The following SULT4A1 variants were observed in gnomAD, a reference collection of about 807,000 sequenced individuals.
SULT4A1 encodes the protein sulfotransferase family 4A member 1.
A neutral mutation model predicts 35.2 loss-of-function variants in SULT4A1; 11 were observed. That is an observed-to-expected ratio of 0.31 (90% CI 0.20 to 0.52). The LOEUF (loss-of-function observed/expected upper bound fraction) is 0.52, where lower values mean the gene tolerates loss of function less well. Among genes scored for constraint, SULT4A1 ranks in the 20% least tolerant of loss-of-function variants. The pLI is 0.97. For missense variants in SULT4A1, 271 were observed against 383.7 expected, an observed-to-expected ratio of 0.71 and a Z score of 2.45; for synonymous variants, 152 against 151.8, an observed-to-expected ratio of 1.00 and a Z score of -0.01.
rs2063484279 is a variant in SULT4A1, at chr22:43,847,541, G to A, written c.170-5609C>T. On this transcript the variant is annotated intron_variant, in intron 1 of 6. Transcript: ENST00000330884. ...TTGCTGTGGCCATCTGCACCCAGGG[G>A]CTCCTGAGGTCCCAGTGATGTGGCC... Among the ~76,000 whole-genome samples the A allele has an allele frequency of 2.0e-5, 3 of 152,228 alleles. No individual in the cohort carries two copies. The South Asian group carries it at 6.2e-4, about 32-fold the overall frequency.
rs1055393060 is a variant in SULT4A1 at position 43,829,027 on chromosome 22, G to A, written c.742+33C>T. On this transcript the variant is annotated intron_variant, in intron 6 of 6. Coordinates refer to ENST00000330884, the MANE Select transcript of SULT4A1 (RefSeq NM_014351.4). ...GAAAGCAGCCTGGCTGGGGTGGGGAGTGCCTGGGCGGGAGGCAGGGTGGGG... is the reference window on the plus strand; with the variant it reads ...GAAAGCAGCCTGGCTGGGGTGGGGAATGCCTGGGCGGGAGGCAGGGTGGGG... 6 of 1,495,120 alleles carry A rather than the reference G, an allele frequency of 4.0e-6. No homozygotes were observed. The African/African-American group carries it at 8.4e-5, about 21-fold the overall frequency. 92.6% of individuals were successfully genotyped at this position (1,495,120 alleles called of 1,614,324 possible). A position where few individuals can be genotyped will look rare whatever the true frequency, so the allele number is the denominator to read the frequency against.
intron 1 of SULT4A1, among the ~76,000 whole-genome samples, chr22:43,843,977 G>A (rs1026094100): frequency 6.6e-6 from 1 of 152,236 alleles, no homozygotes; most frequent in African/African-American, 2.4e-5. Flanking sequence ...CTGAGACCTC[G>A]CCCCGTGGGA....
chr22:43,855,800 CA>C (rs1201604962), intron 1 of SULT4A1, among the ~76,000 whole-genome samples: 1 of 151,078 alleles, frequency 6.6e-6, no homozygotes, highest in Non-Finnish European at 1.5e-5. Context: ...GAGCTGCCCC[CA>C]CACTAACAGG....
rs1464303215 is a variant in SULT4A1, at chr22:43,829,141, C to T, written c.661G>A (p.Ala221Thr). The change falls in exon 6 of 7, where the codon GCC (alanine) becomes ACC (threonine). Residue 221 changes from alanine to threonine, a missense_variant. Coordinates refer to ENST00000330884, the MANE Select transcript of SULT4A1 (RefSeq NM_014351.4). Reference protein sequence around the residue: ...ARFLGVSCDKAQLEALTEHCH... With the variant: ...ARFLGVSCDKTQLEALTEHCH... ...TGCTCCGTCAGGGCTTCCAGCTGGG[C>T]CTTGTCACAGGACACCCCCAGGAAT... The T allele has an allele frequency of 3.8e-6, 6 of 1,562,284 alleles. No individual in the cohort carries two copies. Among genetic ancestry groups the T allele is most frequent in the Non-Finnish European group, 5.2e-6 (6 of 1,153,392 alleles).
In SULT4A1 at chr22:43,854,720, G is replaced by A. The variant is rs183251326; in HGVS notation, c.169+7494C>T. On this transcript the variant is annotated intron_variant, in intron 1 of 6. Transcript: ENST00000330884. ...AAGAGTTGGCACCTGCCCCCCACAC[G>A]CCAAAGAAGGCTCCTGGCTGTGTTC... Among the ~76,000 whole-genome samples the A allele has an allele frequency of 7.9e-5, 12 of 152,246 alleles. 1 individual carries two copies. The highest frequency in any genetic ancestry group is 7.2e-4 in the Admixed American group (11 of 15,294).
At chr22:43,841,778 A>G in intron 2 of SULT4A1, 24 bp downstream of exon 2, 1 of 1,608,364 alleles carries the variant, frequency 6.2e-7, no homozygotes, top group African/African-American at 1.3e-5. Flanking sequence ...AGGTGCTGGG[A>G]CAGGTGCTGC....
At position 43,862,347 on chromosome 22, in the gene SULT4A1, C is replaced by T; in HGVS notation, c.36G>A (p.Pro12=). ...CGAAGTACTTGCTCTCGAACTCCCC[C>T]GGGGTGCTGGGGGTCTCGGCCTCGC... is the stretch of plus-strand genomic sequence containing the variant. ...AESEAETPST[P]GEFESKYFEF... The change falls in exon 1 of 7, where the codon CCG becomes CCA. Residue 12 remains proline (P), a synonymous_variant. Coordinates refer to ENST00000330884, the MANE Select transcript of SULT4A1 (RefSeq NM_014351.4). The T allele has an allele frequency of 6.5e-7, 1 of 1,531,980 alleles. No homozygotes were observed. The highest frequency in any genetic ancestry group is 8.8e-7 in the Non-Finnish European group (1 of 1,136,230). 94.9% of individuals were successfully genotyped at this position (1,531,980 alleles called of 1,614,324 possible).
chr22:43,839,451 G>C (rs1034164244), intron 3 of SULT4A1, among the ~76,000 whole-genome samples: 1 of 152,102 alleles, frequency 6.6e-6, no homozygotes, highest in African/African-American at 2.4e-5. Flanking sequence ...AAAATTAGCC[G>C]GGTGTGGTGG....
intron 1 of SULT4A1, among the ~76,000 whole-genome samples, chr22:43,843,013 C>CTCTCT (rs1569503978): frequency 6.7e-6 from 1 of 149,170 alleles, no homozygotes; most frequent in African/African-American, 2.5e-5. Flanking sequence ...CTGACCTTCT[C>CTCTCT]CTGCCCCCAC....
chr22:43,830,741 G>C (rs1350500825), intron 5 of SULT4A1, among the ~76,000 whole-genome samples: 1 of 152,174 alleles, frequency 6.6e-6, no homozygotes, highest in African/African-American at 2.4e-5. Context: ...ACAGTGCCCG[G>C]CTCGTGGGAA....
intron 4 of SULT4A1, among the ~76,000 whole-genome samples, chr22:43,838,625 G>A (rs1292370508): frequency 6.6e-6 from 1 of 152,248 alleles, no homozygotes; most frequent in East Asian, 1.9e-4. Context: ...CCCCGACAGT[G>A]TGGTAGAAGA....
rs2049479599 is a variant in SULT4A1, at chr22:43,862,194, G to A, written c.169+20C>T. The A allele has an allele frequency of 6.7e-7, 1 of 1,493,410 alleles. No individual in the cohort carries two copies. The highest frequency in any genetic ancestry group is 8.9e-7 in the Non-Finnish European group (1 of 1,119,852). 92.5% of individuals were successfully genotyped at this position (1,493,410 alleles called of 1,614,324 possible). A position where few individuals can be genotyped will look rare whatever the true frequency, so the allele number is the denominator to read the frequency against. ...AGGGCTGGGGCATGGCGTGGCGGGC[G>A]CGGTCGGCGCGGGGCTCACCGGACT... On this transcript the variant is annotated intron_variant, in intron 1 of 6. Coordinates refer to ENST00000330884, the MANE Select transcript of SULT4A1 (RefSeq NM_014351.4).
chr22:43,826,927 A>C (rs138060), intron 6 of SULT4A1: 478,960 of 985,146 alleles, frequency 0.49, 116,955 homozygotes, highest in South Asian at 0.65. Context: ...GAGCTGTGGG[A>C]TAAACTGCAG....
At chr22:43,858,855 C>T (rs371990602) in intron 1 of SULT4A1, among the ~76,000 whole-genome samples, 126 of 152,248 alleles carry the variant, frequency 8.3e-4, no homozygotes, top group African/African-American at 2.9e-3. Flanking sequence ...AGCACAGGGC[C>T]GTCCTGAGAA....
intron 1 of SULT4A1, among the ~76,000 whole-genome samples, chr22:43,846,610 C>T (rs2063478683): frequency 6.6e-6 from 1 of 152,244 alleles, no homozygotes; most frequent in Admixed American, 6.5e-5. Context: ...GGAAAACAAG[C>T]TCTTTTCAAT....
At chr22:43,860,034 T>C (rs1292621944) in intron 1 of SULT4A1, among the ~76,000 whole-genome samples, 2 of 152,168 alleles carry the variant, frequency 1.3e-5, no homozygotes, top group African/African-American at 4.8e-5. Flanking sequence ...GATCTAATTA[T>C]CATTGCCTTA....
chr22:43,858,223 G>C (rs113648748), intron 1 of SULT4A1, among the ~76,000 whole-genome samples: 1 of 152,180 alleles, frequency 6.6e-6, no homozygotes, highest in South Asian at 2.1e-4. Flanking sequence ...GGGAGGCCAA[G>C]GCAGGAGGAT....
intron 4 of SULT4A1, among the ~76,000 whole-genome samples, chr22:43,836,798 C>G (rs1275721992): frequency 6.6e-6 from 1 of 151,638 alleles, no homozygotes; most frequent in Non-Finnish European, 1.5e-5. Flanking sequence ...CCACAGGGAC[C>G]CAGTCTACAC....
intron 1 of SULT4A1, among the ~76,000 whole-genome samples, chr22:43,852,885 AGCT>A (rs956760127): frequency 2.6e-5 from 4 of 151,792 alleles, no homozygotes; most frequent in African/African-American, 9.7e-5. Context: ...ACCTCACTGG[AGCT>A]GCTATTACCA....
Sources: allele counts gnomAD v4.1 joint callset (sites outside exome capture counted in the v4.1 genomes callset), GRCh38; gene constraint gnomAD v4.1.1; transcripts MANE v1.5; gene names NCBI Gene and HGNC (gene_info 2026-07-23, HGNC 2026-07-21).